The following MYO3B variants were observed in gnomAD, a reference collection of about 807,000 sequenced individuals.
MYO3B encodes myosin IIIB.
In MYO3B, 156 loss-of-function variants were observed where a neutral mutation model predicts 174.6. The observed-to-expected ratio is 0.89, with a 90% confidence interval of 0.78 to 1.02. The LOEUF (loss-of-function observed/expected upper bound fraction) is 1.02, where lower values mean the gene tolerates loss of function less well. MYO3B is among the 50% of genes least tolerant of loss of function. The probability of loss-of-function intolerance (pLI) is 0.00; values close to 1 mark genes in which losing one functional copy is unlikely to be tolerated. For missense variants in MYO3B, 1,632 were observed against 1,639.4 expected, an observed-to-expected ratio of 1.00 and a Z score of 0.08; for synonymous variants, 563 against 569.1, an observed-to-expected ratio of 0.99 and a Z score of 0.15.
intron 7 of MYO3B, among the ~76,000 whole-genome samples, chr2:170,277,095 A>G (rs1164877942): frequency 6.6e-6 from 1 of 152,184 alleles, no homozygotes; most frequent in Non-Finnish European, 1.5e-5. Context: ...ATCCAGAAGC[A>G]GGCATGCAGC....
chr2:170,383,555 T>G (rs1431298444), intron 11 of MYO3B, among the ~76,000 whole-genome samples, 155 bp from the exon 12 acceptor site: 1 of 152,178 alleles, frequency 6.6e-6, no homozygotes, highest in East Asian at 1.9e-4. Flanking sequence ...AAGTGAAATT[T>G]GAACTCAGTC....
intron 8 of MYO3B, chr2:170,349,483 G>C (rs1039840745): frequency 3.9e-5 from 6 of 152,016 alleles, no homozygotes; most frequent in African/African-American, 1.4e-4. Flanking sequence ...GAATTCTTTA[G>C]AGGAAGTGAT....
chr2:170,230,456 T>C (rs1978513), intron 6 of MYO3B, among the ~76,000 whole-genome samples: 146,635 of 151,026 alleles, frequency 0.97, 71,294 homozygotes, highest in East Asian at 1. Context: ...GCTGGGATTA[T>C]AGGCGTGAGC....
At chr2:170,405,681 GTGTCTGTATTACCC>G (rs2094505156) in intron 21 of MYO3B, 48 bp downstream of exon 21, 1 of 1,463,700 alleles carries the variant, frequency 6.8e-7, no homozygotes, top group African/African-American at 1.4e-5. Flanking sequence ...CAAAGGGTAA[GTGTCTGTATTACCC>G]TGTCTGTGCT....
At chr2:170,243,494 C>A (rs2093158305) in intron 7 of MYO3B, among the ~76,000 whole-genome samples, 1 of 152,204 alleles carries the variant, frequency 6.6e-6, no homozygotes, top group Non-Finnish European at 1.5e-5. Flanking sequence ...AGCTCCATCA[C>A]TTTCAAGTTC....
chr2:170,266,541 C>T (rs1448965372), intron 7 of MYO3B, among the ~76,000 whole-genome samples: 3 of 152,220 alleles, frequency 2.0e-5, no homozygotes, highest in Admixed American at 6.5e-5. Context: ...GAGTCCTGTG[C>T]TTTGCATATA....
At chr2:170,408,907 AC>A (rs1400735649) in intron 22 of MYO3B, among the ~76,000 whole-genome samples, 1 of 152,064 alleles carries the variant, frequency 6.6e-6, no homozygotes, top group Admixed American at 6.5e-5. Flanking sequence ...TCCATTCCAG[AC>A]CTTCCTTGGA....
chr2:170,536,603 T>C (rs1689695466), intron 30 of MYO3B, among the ~76,000 whole-genome samples: 1 of 152,242 alleles, frequency 6.6e-6, no homozygotes, highest in Non-Finnish European at 1.5e-5. Context: ...ATGCTCTTTG[T>C]ATTTCCTTCA....
At position 170,527,632 on chromosome 2, in the gene MYO3B, G is replaced by T. The variant is rs187038981; in HGVS notation, c.3575+8092G>T. 3.3e-5 allele frequency among the ~76,000 whole-genome samples: 5 copies of T among 152,306 alleles called. No homozygotes were observed. In the East Asian group the frequency reaches 7.7e-4, roughly 24 times the overall value. Reference sequence around the variant, plus strand: ...GTCTGCAGAGCACCATCTAGGTAGAGGAAACGATTCAGCTACAGACCCTGG... The same window carrying T: ...GTCTGCAGAGCACCATCTAGGTAGATGAAACGATTCAGCTACAGACCCTGG... On this transcript the variant is annotated intron_variant, in intron 30 of 34. Transcript: ENST00000408978.
chr2:170,454,271 G>T (rs1304392372), intron 23 of MYO3B, among the ~76,000 whole-genome samples: 1 of 152,144 alleles, frequency 6.6e-6, no homozygotes, highest in East Asian at 1.9e-4. Context: ...GACCTTGAAG[G>T]AGCCAAACCT....
At chr2:170,527,614 G>C (rs1157206286) in intron 30 of MYO3B, among the ~76,000 whole-genome samples, 1 of 152,182 alleles carries the variant, frequency 6.6e-6, no homozygotes, top group Non-Finnish European at 1.5e-5. Context: ...GCTGTCTGCA[G>C]AGCACCATCT....
Position 170,335,389 on chromosome 2 carries a change from C to T in MYO3B, c.754C>T (p.Pro252Ser), listed in dbSNP as rs140865250. The change falls in exon 8 of 35, where the codon CCT becomes TCT. Residue 252 changes from proline (P) to serine (S), a missense_variant. Physicochemically the swap from Pro to Ser is moderately conservative, Grantham distance 74. Coordinates refer to ENST00000408978, the MANE Select transcript of MYO3B (RefSeq NM_138995.5). ...AAATTGCTGTTATTTTTTCAGAAAT[C>T]CTCCACCTACTTTACTTCATCCAGA... ...VKTLFKIPRNPPPTLLHPEKW... is the reference protein window; with the variant it reads ...VKTLFKIPRNSPPTLLHPEKW... The T allele has an allele frequency of 3.5e-4, 563 of 1,608,242 alleles. 1 individual carries two copies. The African/African-American group carries it at 6.5e-3, about 19-fold the overall frequency.
chr2:170,465,802 A>G (rs1684586388), intron 24 of MYO3B, among the ~76,000 whole-genome samples: 1 of 152,186 alleles, frequency 6.6e-6, no homozygotes, highest in South Asian at 2.1e-4. Context: ...AGTGACTATG[A>G]AATAATGGAA....
chr2:170,377,456 A>C (rs10171221), intron 9 of MYO3B, among the ~76,000 whole-genome samples: 1 of 151,774 alleles, frequency 6.6e-6, no homozygotes, highest in African/African-American at 2.4e-5. Context: ...TTCAGATTCT[A>C]TTCTTACGCT....
intron 22 of MYO3B, among the ~76,000 whole-genome samples, chr2:170,440,887 C>T (rs1302592911): frequency 8.1e-5 from 12 of 148,318 alleles, no homozygotes; most frequent in African/African-American, 2.5e-5. Context: ...CTGCAACCTC[C>T]GCCTCCTGGG....
At chr2:170,591,702 G>A (rs1278300931) in intron 32 of MYO3B, among the ~76,000 whole-genome samples, 1 of 152,234 alleles carries the variant, frequency 6.6e-6, no homozygotes, top group Non-Finnish European at 1.5e-5. Flanking sequence ...TCAGGGGTTA[G>A]GAACTAAAGC....
chr2:170,316,036 G>A (rs946868068), intron 7 of MYO3B, among the ~76,000 whole-genome samples: 6 of 152,206 alleles, frequency 3.9e-5, no homozygotes, highest in African/African-American at 1.4e-4. Context: ...AGCTGATTTA[G>A]TGGATTATTT....
At chr2:170,275,529 T>G (rs2093458532) in intron 7 of MYO3B, among the ~76,000 whole-genome samples, 1 of 152,214 alleles carries the variant, frequency 6.6e-6, no homozygotes, top group Non-Finnish European at 1.5e-5. Flanking sequence ...TTTTGAGAGA[T>G]GAATCTAGGG....
In MYO3B at chr2:170,654,481, A is replaced by T. The variant is rs1263415097; in HGVS notation, c.*1360A>T. The T allele has an allele frequency of 1.3e-5, 2 of 151,726 alleles. No homozygotes were observed. The highest frequency in any genetic ancestry group is 2.4e-5 in the African/African-American group (1 of 41,302). 9.4% of individuals were successfully genotyped at this position (151,726 alleles called of 1,614,324 possible). ...TGAAACCCCGTCTCTACTAAAAAAAATAATGATAATACAAAAATTAGCCCA... is the reference window on the plus strand; with the variant it reads ...TGAAACCCCGTCTCTACTAAAAAAATTAATGATAATACAAAAATTAGCCCA... On this transcript the variant is annotated 3_prime_UTR_variant, in exon 35 of 35. Coordinates refer to ENST00000408978, the MANE Select transcript of MYO3B (RefSeq NM_138995.5).
Sources: gnomAD v4.1 joint callset for allele counts (sites outside exome capture counted in the v4.1 genomes callset) on GRCh38, gnomAD v4.1.1 for gene constraint, MANE v1.5 for transcripts, NCBI Gene and HGNC (gene_info 2026-07-23, HGNC 2026-07-21) for gene names.